Variants in FHIT observed in about 807,000 individuals in gnomAD.
FHIT encodes the protein bis(5'-adenosyl)-triphosphatase.
A neutral mutation model predicts 17.9 loss-of-function variants in FHIT; 19 were observed. That is an observed-to-expected ratio of 1.06 (90% CI 0.74 to 1.56). The LOEUF (loss-of-function observed/expected upper bound fraction) is 1.56, where lower values mean the gene tolerates loss of function less well. FHIT is among the 40% of genes most tolerant of loss of function. The pLI, the probability that FHIT is intolerant of heterozygous loss-of-function variation, is 0.00. For synonymous variants in FHIT, 81 were observed against 69.7 expected (o/e 1.16, Z -0.81); for missense variants, 248 against 189.2 (o/e 1.31, Z -1.82).
At chr3:60,096,280 A>AG (rs11391580) in intron 5 of FHIT, among the ~76,000 whole-genome samples, 7,893 of 152,278 alleles carry the variant, frequency 0.052, 354 homozygotes, top group African/African-American at 0.11. Context: ...GTGGGGATGC[A>AG]GGGGTGGTCC....
chr3:60,675,906 G>C (rs2040611906), intron 4 of FHIT, among the ~76,000 whole-genome samples: 2 of 152,242 alleles, frequency 1.3e-5, no homozygotes, highest in Middle Eastern at 3.4e-3. Context: ...AATGTTCAAG[G>C]ATTAGTCTGG....
At chr3:60,077,922 C>A (rs1374311785) in intron 5 of FHIT, among the ~76,000 whole-genome samples, 2 of 151,886 alleles carry the variant, frequency 1.3e-5, no homozygotes, top group Non-Finnish European at 2.9e-5. Context: ...TATGTAGTAA[C>A]CATCTTATTG....
At chr3:60,961,279 T>G (rs1553780684) in intron 3 of FHIT, among the ~76,000 whole-genome samples, 1 of 105,062 alleles carries the variant, frequency 9.5e-6, no homozygotes, top group African/African-American at 2.9e-5. Flanking sequence ...TTGATGGGGT[T>G]GTTTGTTTTT....
chr3:59,761,913 A>G (rs910862177), intron 8 of FHIT, among the ~76,000 whole-genome samples: 1 of 152,076 alleles, frequency 6.6e-6, no homozygotes, highest in Non-Finnish European at 1.5e-5. Flanking sequence ...TCATCATATA[A>G]TTTGTTTTAT....
intron 5 of FHIT, among the ~76,000 whole-genome samples, chr3:60,385,430 G>A (rs372771083): frequency 1.3e-5 from 2 of 152,086 alleles, no homozygotes; most frequent in East Asian, 3.9e-4. Context: ...TAGTTTTATA[G>A]TACTTATTAC....
chr3:61,207,152 C>G (rs2039267075), intron 1 of FHIT, among the ~76,000 whole-genome samples: 1 of 152,216 alleles, frequency 6.6e-6, no homozygotes, highest in African/African-American at 2.4e-5. Flanking sequence ...ACCAGCCTTG[C>G]ATCCCAGGGA....
chr3:60,995,286 C>G (rs1375462867), intron 3 of FHIT, among the ~76,000 whole-genome samples: 1 of 152,106 alleles, frequency 6.6e-6, no homozygotes, highest in African/African-American at 2.4e-5. Context: ...TGCCACTGCA[C>G]TCCAGCCTGG....
At chr3:61,047,841 T>C (rs1386243151) in intron 2 of FHIT, among the ~76,000 whole-genome samples, 2 of 99,212 alleles carry the variant, frequency 2.0e-5, no homozygotes, top group Non-Finnish European at 4.6e-5. Flanking sequence ...AACCATCTGA[T>C]CTTTGACAAA....
At chr3:60,621,507 A>T (rs572194402) in intron 4 of FHIT, among the ~76,000 whole-genome samples, 40 of 151,850 alleles carry the variant, frequency 2.6e-4, no homozygotes, top group Non-Finnish European at 5.3e-4. Context: ...GTTCAAACAT[A>T]AATGGAACAT....
chr3:60,674,054 G>T (rs67043096), intron 4 of FHIT, among the ~76,000 whole-genome samples: 1 of 151,370 alleles, frequency 6.6e-6, no homozygotes, highest in Admixed American at 6.6e-5. Flanking sequence ...TAGACTTCTC[G>T]CTTTTGCCCC....
At chr3:60,378,018 TTTTGTTTG>T (rs763657689) in intron 5 of FHIT, among the ~76,000 whole-genome samples, 10 of 152,132 alleles carry the variant, frequency 6.6e-5, no homozygotes, top group African/African-American at 2.4e-4. Flanking sequence ...GAGACTATTA[TTTTGTTTG>T]TTTGTTTGTT....
intron 4 of FHIT, among the ~76,000 whole-genome samples, chr3:60,561,144 A>G (rs1463156725): frequency 3.3e-5 from 5 of 151,914 alleles, no homozygotes; most frequent in Non-Finnish European, 7.4e-5. Flanking sequence ...TGTACACCAA[A>G]CCAAACCAAA....
intron 4 of FHIT, among the ~76,000 whole-genome samples, chr3:60,680,427 CT>C (rs782767032): frequency 3.3e-5 from 5 of 151,988 alleles, no homozygotes; most frequent in Non-Finnish European, 7.4e-5. Flanking sequence ...TGTATTAACT[CT>C]TTTTATATTT....
intron 7 of FHIT, among the ~76,000 whole-genome samples, chr3:59,973,384 C>T (rs80095936): frequency 0.017 from 2,587 of 152,160 alleles, 24 homozygotes; most frequent in Non-Finnish European, 0.028. Flanking sequence ...TCTTCTCTTG[C>T]CTTGTGCTCC....
chr3:60,668,632 T>A (rs1162638453), intron 4 of FHIT, among the ~76,000 whole-genome samples: 1 of 145,928 alleles, frequency 6.9e-6, no homozygotes, highest in Non-Finnish European at 1.5e-5. Flanking sequence ...CACGATCGCT[T>A]CTCACTGCAA....
At chr3:60,231,275 T>C (rs1281592525) in intron 5 of FHIT, among the ~76,000 whole-genome samples, 1 of 152,220 alleles carries the variant, frequency 6.6e-6, no homozygotes, top group African/African-American at 2.4e-5. Context: ...ACATATCCAA[T>C]AGAAGTTGGT....
chr3:60,565,568 A>G (rs7626618), intron 4 of FHIT, among the ~76,000 whole-genome samples: 22,787 of 152,252 alleles, frequency 0.15, 2,125 homozygotes, highest in Admixed American at 0.21. Context: ...ACACAACAAA[A>G]TGAATACTCA....
chr3:61,198,727 G>A (rs1195990415), intron 2 of FHIT, among the ~76,000 whole-genome samples: 2 of 152,062 alleles, frequency 1.3e-5, no homozygotes, highest in African/African-American at 4.8e-5. Flanking sequence ...TGTATTACCT[G>A]AAAGTTACCT....
chr3:61,067,277 C>T (rs1432765704), intron 2 of FHIT, among the ~76,000 whole-genome samples: 1 of 152,242 alleles, frequency 6.6e-6, no homozygotes, highest in South Asian at 2.1e-4. Flanking sequence ...AAAAGACTCC[C>T]AGAACCCAGA....
Sources: allele counts gnomAD v4.1 joint callset (sites outside exome capture counted in the v4.1 genomes callset), GRCh38; gene constraint gnomAD v4.1.1; transcripts MANE v1.5; gene names NCBI Gene and HGNC (gene_info 2026-07-23, HGNC 2026-07-21).